PPP1R42: variants seen among roughly 807,000 people sequenced by gnomAD.
The protein encoded by PPP1R42 is protein phosphatase 1 regulatory subunit 42.
PPP1R42 carries 34 observed loss-of-function variants against 31.0 expected under a neutral mutation model. The ratio of observed to expected loss-of-function variants is 1.10; its 90% confidence interval spans 0.83 to 1.46. The LOEUF is 1.46. Among genes scored for constraint, PPP1R42 ranks in the 40% most tolerant of loss-of-function variants. PPP1R42 has a pLI of 0.00. For missense variants in PPP1R42, 268 were observed against 303.0 expected (o/e 0.88, Z 0.86); for synonymous variants, 103 against 109.8 (o/e 0.94, Z 0.39).
At chr8:67,019,998 C>T (rs1816162107) in intron 1 of PPP1R42, among the ~76,000 whole-genome samples, 1 of 152,124 alleles carries the variant, frequency 6.6e-6, no homozygotes, top group African/African-American at 2.4e-5. Flanking sequence ...CTCTTGGCTC[C>T]TTTTCCCATA....
At chr8:66,972,692 G>C (rs1260438362) in intron 7 of PPP1R42, among the ~76,000 whole-genome samples, 3 of 151,982 alleles carry the variant, frequency 2.0e-5, no homozygotes, top group African/African-American at 7.3e-5. Flanking sequence ...ACCTGGCCGA[G>C]ACCATTTTTC....
Position 66,982,095 on chromosome 8 carries a change from G to T in PPP1R42, c.756C>A (p.Ser252Arg), listed in dbSNP as rs1474602892. ...WKASKDAKKI[S>R]KKRSSKNEDA... ...CCTCATTTTTACTGCTCCTTTTTTT[G>T]CTGATTTTCTTGGCATCTTTGGATG... The change falls in exon 7 of 8, where the codon AGC becomes AGA. Residue 252 changes from serine (S) to arginine (R), a missense_variant. Transcript: ENST00000685739. 6.7e-7 allele frequency: 1 copy of T among 1,490,492 alleles called. No homozygotes were observed. The highest frequency in any genetic ancestry group is 1.4e-5 in the African/African-American group (1 of 70,806). 92.3% of individuals were successfully genotyped at this position (1,490,492 alleles called of 1,614,324 possible).
At chr8:67,002,930 G>C (rs1302482613) in intron 5 of PPP1R42, among the ~76,000 whole-genome samples, 2 of 150,972 alleles carry the variant, frequency 1.3e-5, no homozygotes, top group East Asian at 3.9e-4. Context: ...GAGGCGGTTT[G>C]GATCGCCTGA....
intron 5 of PPP1R42, among the ~76,000 whole-genome samples, chr8:66,992,828 A>G (rs1815229884): frequency 6.6e-6 from 1 of 152,210 alleles, no homozygotes; most frequent in Admixed American, 6.5e-5. Flanking sequence ...CAAGAGGAAG[A>G]ACCAAATTAT....
chr8:66,967,452 G>T (rs191475760), intron 7 of PPP1R42, among the ~76,000 whole-genome samples: 305 of 152,252 alleles, frequency 2.0e-3, no homozygotes, highest in African/African-American at 6.9e-3. Context: ...GTTTAACAAA[G>T]CAAAATTTGC....
chr8:66,988,564 C>A, intron 5 of PPP1R42, 47 bp from the exon 6 acceptor site: 1 of 1,517,372 alleles, frequency 6.6e-7, no homozygotes, highest in South Asian at 1.2e-5. Context: ...TCATATTTAC[C>A]AATACTTCTA....
chr8:66,974,173 A>G (rs1362135811), intron 7 of PPP1R42, among the ~76,000 whole-genome samples: 1 of 152,214 alleles, frequency 6.6e-6, no homozygotes, highest in African/African-American at 2.4e-5. Flanking sequence ...ACTGTTTGCT[A>G]TAGTGGCTGC....
At chr8:66,973,421 A>G (rs949609822) in intron 7 of PPP1R42, among the ~76,000 whole-genome samples, 1 of 151,932 alleles carries the variant, frequency 6.6e-6, no homozygotes, top group African/African-American at 2.4e-5. Flanking sequence ...CTCTTGCCTC[A>G]TCCTCCCAAG....
At chr8:66,990,557 A>C (rs1815160391) in intron 5 of PPP1R42, among the ~76,000 whole-genome samples, 1 of 152,222 alleles carries the variant, frequency 6.6e-6, no homozygotes, top group African/African-American at 2.4e-5. Context: ...TGATCATGTC[A>C]TGCTATCACT....
intron 2 of PPP1R42, among the ~76,000 whole-genome samples, chr8:67,015,692 G>T (rs1361168617): frequency 6.6e-6 from 1 of 151,192 alleles, no homozygotes; most frequent in Non-Finnish European, 1.5e-5. Context: ...TAGAGTAGCT[G>T]GGATTATAGG....
intron 6 of PPP1R42, chr8:66,984,404 A>G (rs970256013): frequency 9.9e-6 from 13 of 1,313,612 alleles, no homozygotes; most frequent in Admixed American, 1.7e-5. Flanking sequence ...AGATGCTTCA[A>G]TTTCTTCTGG....
intron 5 of PPP1R42, among the ~76,000 whole-genome samples, chr8:66,993,636 C>T (rs755416474): frequency 3.3e-5 from 5 of 152,208 alleles, no homozygotes; most frequent in Non-Finnish European, 5.9e-5. Context: ...AATAGGCTCG[C>T]AGAGACACAT....
Position 67,017,791 on chromosome 8 carries a change from C to A in PPP1R42, c.-44G>T. On this transcript the variant is annotated 5_prime_UTR_variant, in exon 2 of 8. Transcript: ENST00000685739. ...ACTCTCAGCAAAAGCTCTGTTTTGA[C>A]ACCATGTCAAGAAGTAGGTTTAGGT... The A allele has an allele frequency of 1.3e-6, 2 of 1,527,432 alleles. No homozygotes were observed. Among genetic ancestry groups the A allele is most frequent in the South Asian group, 1.4e-5 (1 of 72,242 alleles). 94.6% of individuals were successfully genotyped at this position (1,527,432 alleles called of 1,614,324 possible).
chr8:67,008,955 TA>T (rs1815764669), intron 5 of PPP1R42, among the ~76,000 whole-genome samples: 1 of 152,096 alleles, frequency 6.6e-6, no homozygotes. Context: ...AAAAGCATAA[TA>T]GAATAACTCT....
At position 66,966,771 on chromosome 8, in the gene PPP1R42, C is replaced by T. The variant is rs189289577; in HGVS notation, c.803-2437G>A. Among the ~76,000 whole-genome samples, 643 of 151,136 alleles carry T rather than the reference C, an allele frequency of 4.3e-3. 7 individuals carry two copies. Among genetic ancestry groups the T allele is most frequent in the African/African-American group, 0.015 (600 of 41,126 alleles). On this transcript the variant is annotated intron_variant, in intron 7 of 7. Transcript: ENST00000685739. Reference sequence around the variant, plus strand: ...CTGCACTCCAGCCTGGGTGACAGAGCGAGACTCCGTCTCCAAAAAAAAAAA... The same window carrying T: ...CTGCACTCCAGCCTGGGTGACAGAGTGAGACTCCGTCTCCAAAAAAAAAAA...
chr8:66,991,112 T>G (rs572695418), intron 5 of PPP1R42, among the ~76,000 whole-genome samples: 2 of 152,360 alleles, frequency 1.3e-5, no homozygotes, highest in East Asian at 3.9e-4. Flanking sequence ...GATTTTGAGA[T>G]GAACTTTTCA....
chr8:67,011,633 G>T (rs558037470), intron 4 of PPP1R42, among the ~76,000 whole-genome samples: 423 of 152,250 alleles, frequency 2.8e-3, no homozygotes, highest in Middle Eastern at 0.02. Flanking sequence ...TGTCTATATG[G>T]TTTTCTCTTA....
At chr8:67,006,888 A>G (rs1815701230) in intron 5 of PPP1R42, among the ~76,000 whole-genome samples, 1 of 151,594 alleles carries the variant, frequency 6.6e-6, no homozygotes, top group South Asian at 2.1e-4. Flanking sequence ...CTGGGACTAC[A>G]GGCGCCCACA....
At chr8:66,966,607 A>G (rs1264131368) in intron 7 of PPP1R42, among the ~76,000 whole-genome samples, 8 of 152,036 alleles carry the variant, frequency 5.3e-5, no homozygotes, top group Non-Finnish European at 1.2e-4. Context: ...AACACGGTGA[A>G]ATCCCATCTC....
Sources: gnomAD v4.1 joint callset for allele counts (sites outside exome capture counted in the v4.1 genomes callset) on GRCh38, gnomAD v4.1.1 for gene constraint, MANE v1.5 for transcripts, NCBI Gene and HGNC (gene_info 2026-07-23, HGNC 2026-07-21) for gene names.